The following RARB variants were observed in gnomAD, a reference collection of about 807,000 sequenced individuals.
RARB encodes HBV-activated protein.
A neutral mutation model predicts 51.9 loss-of-function variants in RARB; 17 were observed. That is an observed-to-expected ratio of 0.33 (90% confidence interval 0.22 to 0.49). The LOEUF is 0.49. Among genes scored for constraint, RARB ranks in the 20% least tolerant of loss-of-function variants. The pLI is 0.99. For synonymous variants in RARB, 215 were observed against 195.4 expected (o/e 1.10, Z -0.84); for missense variants, 369 against 550.8 (o/e 0.67, Z 3.30).
intron 2 of RARB, among the ~76,000 whole-genome samples, chr3:24,990,027 C>G (rs1169792140): frequency 9.9e-6 from 1 of 100,538 alleles, no homozygotes; most frequent in East Asian, 3.2e-4. Context: ...TCTCGATCTC[C>G]TGACCTCATG....
chr3:25,192,411 G>A (rs1404427723), intron 5 of RARB, among the ~76,000 whole-genome samples: 1 of 152,028 alleles, frequency 6.6e-6, no homozygotes, highest in Non-Finnish European at 1.5e-5. Context: ...AAATGATGGA[G>A]CATAAGATAC....
At position 25,327,557 on chromosome 3, in the gene RARB, C is replaced by G. The variant is rs570951805; in HGVS notation, c.179-133636C>G. 2.0e-5 allele frequency among the ~76,000 whole-genome samples: 3 copies of G among 152,264 alleles called. No individual in the cohort carries two copies. The East Asian group carries it at 5.8e-4, about 29-fold the overall frequency. ...TTTAAGTTTGAGCATGGAATAGAGA[C>G]GTCTTTAGATACGTAAGGTCTCAGA... On this transcript the variant is annotated intron_variant, in intron 5 of 11. Coordinates refer to the RARB transcript ENST00000383772.
At chr3:24,911,661 G>A (rs1694991836) in intron 2 of RARB, among the ~76,000 whole-genome samples, 2 of 152,146 alleles carry the variant, frequency 1.3e-5, no homozygotes, top group African/African-American at 2.4e-5. Context: ...GTATGAATGT[G>A]CCAAATCCTG....
intron 5 of RARB, among the ~76,000 whole-genome samples, chr3:25,194,570 C>A (rs1425654373): frequency 2.0e-5 from 3 of 149,368 alleles, no homozygotes; most frequent in African/African-American, 7.4e-5. Flanking sequence ...TAAATACATA[C>A]AATTTAATAA....
exon 5 of RARB, chr3:25,174,324 C>A (rs904118961): frequency 8.0e-7 from 1 of 1,245,886 alleles, no homozygotes; most frequent in Non-Finnish European, 1.1e-6. Context: ...GCATTTGCCT[C>A]CCTCACTTTG....
intron 3 of RARB, among the ~76,000 whole-genome samples, chr3:25,114,658 TG>T (rs1459566448): frequency 6.6e-6 from 1 of 152,220 alleles, no homozygotes; most frequent in East Asian, 1.9e-4. Flanking sequence ...TGCATTAATA[TG>T]GTTGTTATTT....
Position 25,327,385 on chromosome 3 carries a change from G to T in RARB, c.179-133808G>T, listed in dbSNP as rs376277761. 3.8e-4 allele frequency among the ~76,000 whole-genome samples: 57 copies of T among 151,996 alleles called. 1 individual carries two copies. The South Asian group carries it at 0.012, about 31-fold the overall frequency. On this transcript the variant is annotated intron_variant, in intron 5 of 11. Coordinates refer to the RARB transcript ENST00000383772. The stretch of plus-strand genomic sequence containing the variant: ...AAAATAATAGATCCAAAAAAGGAGG[G>T]GGAACATTATAATCAAAGCAATTGG...
At chr3:25,163,424 G>C (rs1009338775) in intron 4 of RARB, among the ~76,000 whole-genome samples, 2 of 150,996 alleles carry the variant, frequency 1.3e-5, no homozygotes, top group African/African-American at 2.4e-5. Context: ...AGGATTGCTT[G>C]AGCCTGGGAG....
chr3:25,573,904 C>T (rs530449169), intron 4 of RARB, among the ~76,000 whole-genome samples: 14 of 152,074 alleles, frequency 9.2e-5, no homozygotes, highest in Non-Finnish European at 1.8e-4. Context: ...CCCCGGAGAC[C>T]GCAGGAATGG....
chr3:25,093,036 TTACAATGA>T (rs1182006254), intron 3 of RARB, among the ~76,000 whole-genome samples: 1 of 152,202 alleles, frequency 6.6e-6, no homozygotes, highest in Non-Finnish European at 1.5e-5. Context: ...CAGGTGTTGC[TTACAATGA>T]TACTGACTAT....
intron 2 of RARB, among the ~76,000 whole-genome samples, chr3:24,938,594 G>T (rs1695593112): frequency 6.6e-6 from 1 of 152,094 alleles, no homozygotes; most frequent in Admixed American, 6.5e-5. Flanking sequence ...TAGTTAAAAT[G>T]GTAAATTTTA....
intron 1 of RARB, among the ~76,000 whole-genome samples, chr3:25,444,575 A>G (rs1437572378): frequency 6.6e-6 from 1 of 152,188 alleles, no homozygotes; most frequent in Non-Finnish European, 1.5e-5. Context: ...GTAACAGAGA[A>G]CAAGTGATCT....
intron 2 of RARB, among the ~76,000 whole-genome samples, chr3:25,054,980 T>C (rs985258201): frequency 3.9e-5 from 6 of 152,168 alleles, no homozygotes; most frequent in Non-Finnish European, 8.8e-5. Flanking sequence ...CTGAACTAAA[T>C]TACCATGTAG....
At chr3:25,202,545 C>A (rs1279961827) in intron 5 of RARB, among the ~76,000 whole-genome samples, 1 of 152,174 alleles carries the variant, frequency 6.6e-6, no homozygotes, top group Non-Finnish European at 1.5e-5. Flanking sequence ...AATTTTAGAT[C>A]TTTCCTGCTT....
intron 2 of RARB, among the ~76,000 whole-genome samples, chr3:25,467,990 G>T (rs1695512232): frequency 6.6e-6 from 1 of 152,086 alleles, no homozygotes. Flanking sequence ...ATTTCACAGG[G>T]GTCAAGGGGG....
At chr3:25,056,051 G>T (rs1358064663) in intron 2 of RARB, among the ~76,000 whole-genome samples, 2 of 152,116 alleles carry the variant, frequency 1.3e-5, no homozygotes, top group East Asian at 1.9e-4. Context: ...CTATTACCCT[G>T]CCGGGAAACA....
chr3:25,419,436 A>T (rs1228862801), intron 5 of RARB, among the ~76,000 whole-genome samples: 1 of 152,170 alleles, frequency 6.6e-6, no homozygotes, highest in Non-Finnish European at 1.5e-5. Flanking sequence ...AAAGTTAGAC[A>T]GGAAGCCCAA....
At chr3:25,124,121 T>C (rs908294199) in intron 3 of RARB, among the ~76,000 whole-genome samples, 1 of 152,184 alleles carries the variant, frequency 6.6e-6, no homozygotes, top group Non-Finnish European at 1.5e-5. Context: ...ACGCCTGTAA[T>C]CCTAGCACTT....
At chr3:24,944,851 G>T (rs960124798) in intron 2 of RARB, among the ~76,000 whole-genome samples, 1 of 152,190 alleles carries the variant, frequency 6.6e-6, no homozygotes, top group Non-Finnish European at 1.5e-5. Flanking sequence ...ACATTATTCA[G>T]GGAGGAAGAG....
Sources: gnomAD v4.1 joint callset for allele counts (sites outside exome capture counted in the v4.1 genomes callset) on GRCh38, gnomAD v4.1.1 for gene constraint, MANE v1.5 for transcripts, NCBI Gene and HGNC (gene_info 2026-07-23, HGNC 2026-07-21) for gene names.